The following AGAP1 variants were observed in gnomAD, a reference collection of about 807,000 sequenced individuals.
AGAP1 encodes the protein ArfGAP with GTPase domain, ankyrin repeat and PH domain 1.
A neutral mutation model predicts 105.3 loss-of-function variants in AGAP1; 29 were observed. That is an observed-to-expected ratio of 0.28 (90% confidence interval 0.21 to 0.38). The LOEUF (loss-of-function observed/expected upper bound fraction) is 0.38, where lower values mean the gene tolerates loss of function less well. Among genes scored for constraint, AGAP1 ranks in the 10% least tolerant of loss-of-function variants. The pLI is 1.00. For synonymous variants in AGAP1, 509 were observed against 485.9 expected (o/e 1.05, Z -0.63); for missense variants, 998 against 1,165.1 (o/e 0.86, Z 2.09).
chr2:236,055,751 C>T lies in AGAP1; in HGVS notation c.2114+6470C>T, dbSNP rs753621758. ...GTTTATACATCCTCGGCTATGCAAA[C>T]GCAACAGCTGCTCAGGGACCTCAGC... On this transcript the variant is annotated intron_variant, in intron 16 of 17. Transcript: ENST00000304032. This position sits in a 1 kb window ranked among gnomAD's most constrained non-coding sequence, Gnocchi z 6.2. Among the ~76,000 whole-genome samples, 4 of 152,350 alleles carry T rather than the reference C, an allele frequency of 2.6e-5. No individual in the cohort carries two copies. Among genetic ancestry groups the T allele is most frequent in the South Asian group, 2.1e-4 (1 of 4,828 alleles).
Position 236,044,898 on chromosome 2 carries a change from G to T in AGAP1, c.1891+4057G>T, listed in dbSNP as rs1274290449. On this transcript the variant is annotated intron_variant, in intron 15 of 17. Coordinates refer to ENST00000304032, the MANE Select transcript of AGAP1 (RefSeq NM_001037131.3). This position sits in a 1 kb window ranked among gnomAD's most constrained non-coding sequence, Gnocchi z 5.7. Reference sequence around the variant, plus strand: ...GGGGGCAGGGGCGGGTTGAGATGGGGTCTCGCCCTATAGCCCAGGATGGAG... The same window carrying T: ...GGGGGCAGGGGCGGGTTGAGATGGGTTCTCGCCCTATAGCCCAGGATGGAG... 2.0e-5 allele frequency among the ~76,000 whole-genome samples: 3 copies of T among 152,068 alleles called. No individual in the cohort carries two copies. The highest frequency in any genetic ancestry group is 7.2e-5 in the African/African-American group (3 of 41,394).
chr2:236,023,732 C>G (rs1187952825), intron 13 of AGAP1, among the ~76,000 whole-genome samples: 1 of 152,188 alleles, frequency 6.6e-6, no homozygotes, highest in Admixed American at 6.5e-5. Context: ...AGCATGTCAT[C>G]TCTGCACCGT....
chr2:235,604,006 G>A (rs927901783), intron 1 of AGAP1, among the ~76,000 whole-genome samples: 4 of 152,082 alleles, frequency 2.6e-5, no homozygotes, highest in African/African-American at 7.2e-5. Context: ...AGATGAAGAT[G>A]AAAAACTGTT....
rs916100010 is a variant in AGAP1 at position 236,121,826 on chromosome 2, A to G, written c.2370+1379A>G. Among the ~76,000 whole-genome samples, 1 of 152,210 alleles carries G rather than the reference A, an allele frequency of 6.6e-6. No homozygotes were observed. Among genetic ancestry groups the G allele is most frequent in the Admixed American group, 6.5e-5 (1 of 15,284 alleles). ...CACAGTTCTGGAGGCTGGAAGTACA[A>G]GATCAAAGGGCCAGCAGGAATGGTT... On this transcript the variant is annotated intron_variant, in intron 17 of 17. Coordinates refer to ENST00000304032, the MANE Select transcript of AGAP1 (RefSeq NM_001037131.3). This position sits in a 1 kb window ranked among gnomAD's most constrained non-coding sequence, Gnocchi z 4.9.
intron 6 of AGAP1, among the ~76,000 whole-genome samples, chr2:235,759,164 C>CTTTTTTTTT (rs560528348): frequency 9.6e-6 from 1 of 104,098 alleles, no homozygotes; most frequent in Non-Finnish European, 2.0e-5. Context: ...TGATGTCATT[C>CTTTTTTTTT]TTTTTTTTTT....
rs891232244 is a variant in AGAP1, at chr2:235,729,512, G to A, written c.311-11451G>A. The stretch of plus-strand genomic sequence containing the variant: ...GATGCTGTAGGGGCAGTCTCACGGC[G>A]GTCTCACCTCTGCCACCTGTGGATG... On this transcript the variant is annotated intron_variant, in intron 3 of 17. Coordinates refer to ENST00000304032, the MANE Select transcript of AGAP1 (RefSeq NM_001037131.3). The surrounding 1 kb of genome is among the most constrained non-coding windows in gnomAD (Gnocchi z 5.0). 8.5e-5 allele frequency among the ~76,000 whole-genome samples: 13 copies of A among 152,054 alleles called. No individual in the cohort carries two copies. Among genetic ancestry groups the A allele is most frequent in the African/African-American group, 1.2e-4 (5 of 41,364 alleles).
At chr2:235,710,148 T>C (rs536611831) in intron 2 of AGAP1, among the ~76,000 whole-genome samples, 32 of 152,280 alleles carry the variant, frequency 2.1e-4, no homozygotes, top group Middle Eastern at 3.4e-3. Flanking sequence ...TGCATTTCTA[T>C]TGATAGCACC....
rs2057389729 is a variant in AGAP1, at chr2:236,036,590, G to T, written c.1675G>T (p.Val559Leu). 6.2e-7 allele frequency: 1 copy of T among 1,614,046 alleles called. No homozygotes were observed. Among genetic ancestry groups the T allele is most frequent in the Admixed American group, 1.7e-5 (1 of 59,998 alleles). The part of the protein sequence containing the change: ...EQEENFEFII[V>L]SLTGQTWHFE... ...AGAAGAAAATTTTGAGTTTATCATT[G>T]TGTCCCTCACTGGCCAAACATGGCA... The change falls in exon 14 of 18, where the codon GTG becomes TTG. Residue 559 changes from valine (V) to leucine (L), a missense_variant. Val to Leu is a conservative substitution (Grantham distance 32). Around this residue, in one of 3 missense-constraint regions of AGAP1, gnomAD observed 735 missense variants for 833.4 expected, o/e 0.88. Transcript: ENST00000304032. The surrounding 1 kb of genome is among the most constrained non-coding windows in gnomAD (Gnocchi z 5.7).
At chr2:235,544,313 C>T (rs143408748) in intron 1 of AGAP1, among the ~76,000 whole-genome samples, 21 of 152,238 alleles carry the variant, frequency 1.4e-4, no homozygotes, top group African/African-American at 4.6e-4. Flanking sequence ...GTGCAAGAAA[C>T]GCACCACCTA....
In AGAP1 at chr2:236,092,091, AGGTTAGT is replaced by A. The variant is rs1376580864; in HGVS notation, c.2115-28096_2115-28090del. On this transcript the variant is annotated intron_variant, in intron 16 of 17. Transcript: ENST00000304032. This position sits in a 1 kb window ranked among gnomAD's most constrained non-coding sequence, Gnocchi z 4.7. Reference sequence around the variant, plus strand: ...TTACAGAATTACGGAGCTAGAGAACAGGTTAGTGGTTGTCCAGGGTTAGGGATGGAGA... The same window carrying A: ...TTACAGAATTACGGAGCTAGAGAACAGGTTGTCCAGGGTTAGGGATGGAGA... 7.5e-4 allele frequency among the ~76,000 whole-genome samples: 115 copies of A among 152,332 alleles called. 1 individual carries two copies. Among genetic ancestry groups the A allele is most frequent in the Admixed American group, 7.5e-3 (115 of 15,310 alleles).
chr2:235,694,832 A>G (rs1204404233), intron 1 of AGAP1, among the ~76,000 whole-genome samples: 3 of 152,188 alleles, frequency 2.0e-5, no homozygotes, highest in Non-Finnish European at 4.4e-5. Flanking sequence ...TTAGGAAGCA[A>G]ACGCGTCTCA....
At chr2:235,670,522 G>A (rs1226939240) in intron 1 of AGAP1, 5 of 490,234 alleles carry the variant, frequency 1.0e-5, no homozygotes, top group Admixed American at 4.1e-5. Flanking sequence ...GCCCCGACGT[G>A]GAGGGGGCCC....
chr2:235,851,062 C>T (rs539379645), intron 9 of AGAP1, among the ~76,000 whole-genome samples: 1 of 152,214 alleles, frequency 6.6e-6, no homozygotes, highest in Non-Finnish European at 1.5e-5. Flanking sequence ...CAGGACTCTC[C>T]CACAGGAAGG....
chr2:235,686,646 GATATATATA>G (rs1559350944), intron 1 of AGAP1, among the ~76,000 whole-genome samples: 2 of 18,822 alleles, frequency 1.1e-4, no homozygotes, highest in East Asian at 2.7e-3. Context: ...TATATATATA[GATATATATA>G]TATATATATA....
intron 1 of AGAP1, 116 bp downstream of exon 1, chr2:235,494,965 C>G: frequency 9.8e-7 from 1 of 1,024,964 alleles, no homozygotes; most frequent in Non-Finnish European, 1.3e-6. Context: ...CGCGGCTGCT[C>G]CGCCGAGGGA....
intron 1 of AGAP1, among the ~76,000 whole-genome samples, chr2:235,683,181 C>T (rs1465435883): frequency 6.6e-6 from 1 of 151,376 alleles, no homozygotes; most frequent in Non-Finnish European, 1.5e-5. Context: ...GTGGCACACA[C>T]TTGTAATCCC....
In AGAP1 at chr2:235,970,277, G is replaced by T. The variant is rs2054587470; in HGVS notation, c.1645+1654G>T. ...GAGTGAGGATAATCCCATTAAGTCA[G>T]CGATGGTGGAAAATAATGGTTATGG... On this transcript the variant is annotated intron_variant, in intron 13 of 17. Transcript: ENST00000304032. The surrounding 1 kb of genome is among the most constrained non-coding windows in gnomAD (Gnocchi z 5.4). 6.6e-6 allele frequency among the ~76,000 whole-genome samples: 1 copy of T among 151,480 alleles called. No individual in the cohort carries two copies. Among genetic ancestry groups the T allele is most frequent in the South Asian group, 2.1e-4 (1 of 4,780 alleles).
At chr2:235,583,970 T>A (rs1945019186) in intron 1 of AGAP1, among the ~76,000 whole-genome samples, 1 of 150,510 alleles carries the variant, frequency 6.6e-6, no homozygotes, top group African/African-American at 2.4e-5. Flanking sequence ...CCCCCCAGAG[T>A]GCTGGGATTA....
chr2:235,588,120 C>T (rs1178588873), intron 1 of AGAP1, among the ~76,000 whole-genome samples: 1 of 151,888 alleles, frequency 6.6e-6, no homozygotes, highest in Non-Finnish European at 1.5e-5. Flanking sequence ...GTCCCAGCTA[C>T]TCGGGAGACT....
Sources: allele counts gnomAD v4.1 joint callset (sites outside exome capture counted in the v4.1 genomes callset), GRCh38; gene constraint gnomAD v4.1.1; regional missense constraint gnomAD v4.1.1; non-coding constraint Gnocchi (gnomAD v3.1); transcripts MANE v1.5; gene names NCBI Gene and HGNC (gene_info 2026-07-23, HGNC 2026-07-21).